The following SLC25A26 variants were observed in gnomAD, a reference collection of about 807,000 sequenced individuals.
The protein encoded by SLC25A26 is solute carrier family 25 member 26.
Under a neutral mutation model 37.8 loss-of-function variants are expected in SLC25A26, and 36 were observed. The observed-to-expected ratio is 0.95, with a 90% confidence interval of 0.73 to 1.26. SLC25A26 has a LOEUF of 1.26. SLC25A26 is among the 50% of genes most tolerant of loss of function. The probability of loss-of-function intolerance (pLI) is 0.00; values close to 1 mark genes in which losing one functional copy is unlikely to be tolerated. For missense variants in SLC25A26, 390 were observed against 331.1 expected (o/e 1.18, Z -1.38); for synonymous variants, 129 against 122.5 (o/e 1.05, Z -0.35).
At chr3:66,262,716 G>T (rs1404560179) in intron 4 of SLC25A26, among the ~76,000 whole-genome samples, 1 of 152,146 alleles carries the variant, frequency 6.6e-6, no homozygotes, top group Non-Finnish European at 1.5e-5. Context: ...CTTGATTTTA[G>T]AAAAGTTATT....
At chr3:66,326,424 G>A (rs752597776) in intron 5 of SLC25A26, among the ~76,000 whole-genome samples, 1 of 152,210 alleles carries the variant, frequency 6.6e-6, no homozygotes, top group Admixed American at 6.5e-5. Context: ...GGTAGAGTCC[G>A]CTGCTCTCCT....
intron 1 of SLC25A26, among the ~76,000 whole-genome samples, chr3:66,188,988 C>A (rs1210299770): frequency 6.6e-6 from 1 of 152,086 alleles, no homozygotes; most frequent in Non-Finnish European, 1.5e-5. Flanking sequence ...GATGCTGAAC[C>A]TGATTGGATT....
intron 9 of SLC25A26, among the ~76,000 whole-genome samples, chr3:66,375,821 GT>G (rs1451934406): frequency 6.6e-6 from 1 of 151,946 alleles, no homozygotes; most frequent in Non-Finnish European, 1.5e-5. Context: ...GGATCAAGGA[GT>G]TACTTTAACT....
intron 6 of SLC25A26, among the ~76,000 whole-genome samples, chr3:66,354,939 CTG>C (rs1209937531): frequency 3.3e-5 from 5 of 152,206 alleles, no homozygotes; most frequent in African/African-American, 4.8e-5. Context: ...CCATATGAAA[CTG>C]TAAGTCCAAT....
intron 5 of SLC25A26, among the ~76,000 whole-genome samples, chr3:66,271,465 C>A (rs1274916590): frequency 4.6e-5 from 7 of 152,076 alleles, no homozygotes; most frequent in African/African-American, 1.7e-4. Context: ...TATTCCAGAA[C>A]TATGAAGAAG....
At chr3:66,248,161 A>G (rs1169769884) in intron 3 of SLC25A26, among the ~76,000 whole-genome samples, 1 of 152,264 alleles carries the variant, frequency 6.6e-6, no homozygotes, top group Non-Finnish European at 1.5e-5. Context: ...CAGTGCCAAA[A>G]TAATAACCAT....
chr3:66,249,551 T>C (rs544787840), intron 3 of SLC25A26, among the ~76,000 whole-genome samples: 33 of 152,322 alleles, frequency 2.2e-4, no homozygotes, highest in African/African-American at 7.7e-4. Flanking sequence ...TTCTTCATGA[T>C]CTTCACTGGC....
intron 1 of SLC25A26, among the ~76,000 whole-genome samples, chr3:66,141,108 G>A (rs2070027076): frequency 6.6e-6 from 1 of 151,584 alleles, no homozygotes; most frequent in South Asian, 2.1e-4. Context: ...AAATCCAAAT[G>A]AGGTAGACAG....
Position 66,361,118 on chromosome 3 carries a change from A to G in SLC25A26, c.499-1742A>G, listed in dbSNP as rs547506922. Among the ~76,000 whole-genome samples the G allele has an allele frequency of 1.3e-4, 20 of 152,348 alleles. 1 individual carries two copies. The South Asian group carries it at 4.1e-3, about 32-fold the overall frequency. ...ATATGTGGACAATTGATTTTTGACA[A>G]AAGCAAGAGGGCAGTTCATTGGAGA... On this transcript the variant is annotated intron_variant, in intron 6 of 9. Coordinates refer to ENST00000354883, the MANE Select transcript of SLC25A26 (RefSeq NM_001379210.1).
chr3:66,238,633 G>T (rs528421603), intron 2 of SLC25A26, among the ~76,000 whole-genome samples: 1 of 152,262 alleles, frequency 6.6e-6, no homozygotes, highest in East Asian at 1.9e-4. Flanking sequence ...CCAAAGTGCT[G>T]GGATTACAGG....
At chr3:66,362,412 A>G (rs1324792819) in intron 6 of SLC25A26, among the ~76,000 whole-genome samples, 4 of 114,546 alleles carry the variant, frequency 3.5e-5, no homozygotes, top group African/African-American at 1.9e-4. Flanking sequence ...AATTCTGAAT[A>G]AAAGAAGTTG....
intron 5 of SLC25A26, among the ~76,000 whole-genome samples, chr3:66,273,305 C>T (rs928424904): frequency 6.6e-6 from 1 of 152,140 alleles, no homozygotes; most frequent in Admixed American, 6.6e-5. Flanking sequence ...ATGCTGGCCT[C>T]ATAAAATGAG....
intron 1 of SLC25A26, among the ~76,000 whole-genome samples, chr3:66,209,504 T>C (rs1342128922): frequency 7.0e-6 from 1 of 142,174 alleles, no homozygotes; most frequent in Non-Finnish European, 1.5e-5. Flanking sequence ...TATGGGTATA[T>C]AGTTATATAT....
At chr3:66,285,872 A>AT (rs751165006) in intron 5 of SLC25A26, among the ~76,000 whole-genome samples, 4 of 152,110 alleles carry the variant, frequency 2.6e-5, no homozygotes, top group Admixed American at 6.5e-5. Flanking sequence ...CCCTTACTAG[A>AT]GGGGAAATAA....
At chr3:66,223,355 G>GT (rs782659904) in intron 1 of SLC25A26, among the ~76,000 whole-genome samples, 2 of 152,186 alleles carry the variant, frequency 1.3e-5, no homozygotes, top group Non-Finnish European at 2.9e-5. Flanking sequence ...GGCCTAATGG[G>GT]TAAGGATAGC....
chr3:66,314,511 G>A (rs192937629), intron 5 of SLC25A26, among the ~76,000 whole-genome samples: 19 of 152,116 alleles, frequency 1.2e-4, no homozygotes, highest in Non-Finnish European at 1.9e-4. Context: ...TGCTGTATTC[G>A]GCGTGCCTGT....
At chr3:66,233,427 A>T (rs782139740) in intron 1 of SLC25A26, among the ~76,000 whole-genome samples, 1 of 151,754 alleles carries the variant, frequency 6.6e-6, no homozygotes, top group Non-Finnish European at 1.5e-5. Flanking sequence ...ACTTTTCGGT[A>T]TAAGCTACCA....
intron 2 of SLC25A26, among the ~76,000 whole-genome samples, chr3:66,239,250 C>T (rs1220972550): frequency 6.7e-6 from 1 of 150,164 alleles, no homozygotes; most frequent in African/African-American, 2.5e-5. Context: ...GTTTTGAAAC[C>T]CTTCATCCCC....
intron 1 of SLC25A26, among the ~76,000 whole-genome samples, chr3:66,201,265 A>T (rs2071105389): frequency 6.6e-6 from 1 of 151,590 alleles, no homozygotes; most frequent in South Asian, 2.1e-4. Context: ...ATATAGTTAT[A>T]TATTATATTG....
Sources: allele counts gnomAD v4.1 joint callset (sites outside exome capture counted in the v4.1 genomes callset), GRCh38; gene constraint gnomAD v4.1.1; transcripts MANE v1.5; gene names NCBI Gene and HGNC (gene_info 2026-07-23, HGNC 2026-07-21).